ANXA10: variants seen among roughly 807,000 people sequenced by gnomAD.
ANXA10 encodes the protein annexin A10.
In ANXA10, 49 loss-of-function variants were observed where a neutral mutation model predicts 53.5. The ratio of observed to expected loss-of-function variants is 0.92; its 90% CI spans 0.73 to 1.16. The LOEUF (loss-of-function observed/expected upper bound fraction) is 1.16. Ranked by LOEUF, ANXA10 falls within the 50% of genes most tolerant of loss-of-function variation. The pLI, the probability that ANXA10 is intolerant of heterozygous loss-of-function variation, is 0.00. For synonymous variants in ANXA10, 131 were observed against 128.9 expected, an observed-to-expected ratio of 1.02 and a Z score of -0.11; for missense variants, 393 against 394.4, an observed-to-expected ratio of 1.00 and a Z score of 0.03.
chr4:168,132,641 C>A (rs993479533), intron 2 of ANXA10, among the ~76,000 whole-genome samples: 9 of 151,936 alleles, frequency 5.9e-5, no homozygotes, highest in African/African-American at 2.2e-4. Context: ...GGATTGTTTG[C>A]AACTCAATGG....
At chr4:168,109,355 C>T (rs367910803) in intron 1 of ANXA10, among the ~76,000 whole-genome samples, 1 of 152,132 alleles carries the variant, frequency 6.6e-6, no homozygotes, top group Non-Finnish European at 1.5e-5. Flanking sequence ...GGCATATGTG[C>T]TCAAGTTTTT....
At chr4:168,170,155 TA>T (rs1306784421) in intron 6 of ANXA10, among the ~76,000 whole-genome samples, 1 of 152,142 alleles carries the variant, frequency 6.6e-6, no homozygotes, top group Non-Finnish European at 1.5e-5. Context: ...GATATACATA[TA>T]TTTTAAAATA....
In ANXA10 at chr4:168,105,630, C is replaced by G. The variant is rs371017994; in HGVS notation, c.18+12912C>G. 3.3e-5 allele frequency among the ~76,000 whole-genome samples: 5 copies of G among 152,166 alleles called. No individual in the cohort carries two copies. The East Asian group carries it at 7.7e-4, about 24-fold the overall frequency. On this transcript the variant is annotated intron_variant, in intron 1 of 11. Coordinates refer to ENST00000359299, the MANE Select transcript of ANXA10 (RefSeq NM_007193.5). ...TGGTTTATATTCCTTTGGGTATATA[C>G]CCAGTAGTGAGATTGCTGGGTCAAA... is the stretch of plus-strand genomic sequence containing the variant.
At chr4:168,163,111 A>G (rs563282860) in intron 4 of ANXA10, among the ~76,000 whole-genome samples, 1 of 152,060 alleles carries the variant, frequency 6.6e-6, no homozygotes, top group Non-Finnish European at 1.5e-5. Context: ...CCTGAAGTTC[A>G]TTCTTTACAG....
At chr4:168,117,315 T>C (rs959863504) in intron 1 of ANXA10, among the ~76,000 whole-genome samples, 2 of 152,212 alleles carry the variant, frequency 1.3e-5, no homozygotes, top group African/African-American at 4.8e-5. Flanking sequence ...CCCAAAGTGA[T>C]ATTTGAACAA....
chr4:168,151,772 T>C (rs1301653096), intron 3 of ANXA10, among the ~76,000 whole-genome samples: 1 of 152,222 alleles, frequency 6.6e-6, no homozygotes. Flanking sequence ...AACACCTCCT[T>C]CCAGTGTCCT....
chr4:168,114,339 T>C (rs140549254), intron 1 of ANXA10, among the ~76,000 whole-genome samples: 1,584 of 152,244 alleles, frequency 0.01, 14 homozygotes, highest in Middle Eastern at 0.024. Flanking sequence ...AGTGGTGCAG[T>C]CTTGGCTCAC....
chr4:168,147,180 G>T (rs1440445251), intron 3 of ANXA10, among the ~76,000 whole-genome samples: 7 of 152,134 alleles, frequency 4.6e-5, no homozygotes, highest in Non-Finnish European at 1.5e-5. Flanking sequence ...ACTTCTATTT[G>T]ACAGGTGAGA....
chr4:168,177,226 A>G (rs1314406182), intron 6 of ANXA10, among the ~76,000 whole-genome samples: 1 of 152,136 alleles, frequency 6.6e-6, no homozygotes, highest in Non-Finnish European at 1.5e-5. Flanking sequence ...GAAATGATCA[A>G]CTGGACCATG....
At chr4:168,120,426 A>G (rs1308831314) in intron 1 of ANXA10, among the ~76,000 whole-genome samples, 1 of 152,132 alleles carries the variant, frequency 6.6e-6, no homozygotes, top group Non-Finnish European at 1.5e-5. Flanking sequence ...AGCAAAATTC[A>G]TTTAAGAAAA....
At chr4:168,172,786 ATTTTT>A (rs34280639) in intron 6 of ANXA10, among the ~76,000 whole-genome samples, 14 of 133,678 alleles carry the variant, frequency 1.0e-4, no homozygotes, top group Non-Finnish European at 9.5e-5. Flanking sequence ...GTATGTTGCC[ATTTTT>A]TTTTTTTTTT....
At chr4:168,178,266 C>T (rs1732171997) in intron 8 of ANXA10, 1 of 377,132 alleles carries the variant, frequency 2.7e-6, no homozygotes, top group Non-Finnish European at 4.9e-6. Flanking sequence ...TTAGCTGTTT[C>T]CTATTAGGTA....
chr4:168,132,246 G>A (rs1198084367), intron 2 of ANXA10, among the ~76,000 whole-genome samples: 1 of 151,984 alleles, frequency 6.6e-6, no homozygotes, highest in Non-Finnish European at 1.5e-5. Flanking sequence ...CAGATGAATG[G>A]ATAAGGAAAA....
intron 3 of ANXA10, among the ~76,000 whole-genome samples, chr4:168,148,456 T>G (rs969481639): frequency 6.6e-6 from 1 of 152,150 alleles, no homozygotes; most frequent in Non-Finnish European, 1.5e-5. Flanking sequence ...TGAGCCACCG[T>G]GCCTGGCCAT....
At chr4:168,145,175 C>G (rs373151841) in intron 3 of ANXA10, among the ~76,000 whole-genome samples, 1 of 152,100 alleles carries the variant, frequency 6.6e-6, no homozygotes, top group Non-Finnish European at 1.5e-5. Flanking sequence ...CCACTGAGCA[C>G]GGGGTCTGCA....
intron 2 of ANXA10, among the ~76,000 whole-genome samples, chr4:168,131,005 C>T (rs1342789870): frequency 4.6e-5 from 7 of 151,754 alleles, no homozygotes. Flanking sequence ...TTGATTATTG[C>T]TCTAATCTTT....
chr4:168,134,663 G>A (rs1311235712), intron 2 of ANXA10, among the ~76,000 whole-genome samples: 1 of 151,964 alleles, frequency 6.6e-6, no homozygotes, highest in Non-Finnish European at 1.5e-5. Context: ...TTTAGTTCAG[G>A]GTCTTAACCA....
At position 168,121,691 on chromosome 4, in the gene ANXA10, G is replaced by A. The variant is rs1393753004; in HGVS notation, c.19-6393G>A. 2.0e-5 allele frequency among the ~76,000 whole-genome samples: 3 copies of A among 152,006 alleles called. No homozygotes were observed. The East Asian group carries it at 5.8e-4, about 29-fold the overall frequency. On this transcript the variant is annotated intron_variant, in intron 1 of 11. Coordinates refer to ENST00000359299, the MANE Select transcript of ANXA10 (RefSeq NM_007193.5). The stretch of plus-strand genomic sequence containing the variant: ...TCATTGTTTTAGAATATTAAAAATC[G>A]TGTTTTCATGTGTTATAGTATACAC...
At chr4:168,172,786 A>ATT (rs34280639) in intron 6 of ANXA10, among the ~76,000 whole-genome samples, 6 of 133,698 alleles carry the variant, frequency 4.5e-5, no homozygotes, top group Admixed American at 7.5e-5. Flanking sequence ...GTATGTTGCC[A>ATT]TTTTTTTTTT....
Sources: allele counts gnomAD v4.1 joint callset (sites outside exome capture counted in the v4.1 genomes callset), GRCh38; gene constraint gnomAD v4.1.1; transcripts MANE v1.5; gene names NCBI Gene and HGNC (gene_info 2026-07-23, HGNC 2026-07-21).